CELF4: variants seen among roughly 807,000 people sequenced by gnomAD.
CELF4 encodes CUG-BP- and ETR-3-like factor 4.
A neutral mutation model predicts 59.9 loss-of-function variants in CELF4; 18 were observed. That is an observed-to-expected ratio of 0.30 (90% CI 0.21 to 0.45). CELF4 has a LOEUF of 0.45. CELF4 is among the 20% of genes least tolerant of loss of function. The pLI is 1.00. For synonymous variants in CELF4, 261 were observed against 267.1 expected (o/e 0.98, Z 0.22); for missense variants, 456 against 689.0 (o/e 0.66, Z 3.79).
chr18:37,321,693 A>C, intron 3 of CELF4, 110 bp downstream of exon 3: 1 of 753,422 alleles, frequency 1.3e-6, no homozygotes, highest in Non-Finnish European at 2.2e-6. Flanking sequence ...CGAGATCCCC[A>C]GAGGGGCAAG....
chr18:37,535,220 C>T (rs560831397), intron 1 of CELF4, among the ~76,000 whole-genome samples: 2 of 152,254 alleles, frequency 1.3e-5, no homozygotes, highest in East Asian at 1.9e-4. Flanking sequence ...AAAATAATGC[C>T]TCTGTATGAT....
chr18:37,317,109 G>A (rs2096892836), intron 3 of CELF4, among the ~76,000 whole-genome samples: 1 of 152,182 alleles, frequency 6.6e-6, no homozygotes. Flanking sequence ...ATTTCCGGCC[G>A]GGCGCGGTGG....
At chr18:37,441,032 C>T (rs1207262259) in intron 2 of CELF4, among the ~76,000 whole-genome samples, 1 of 152,216 alleles carries the variant, frequency 6.6e-6, no homozygotes, top group Admixed American at 6.5e-5. Flanking sequence ...CCACCACAAC[C>T]GTATCTGCCG....
intron 2 of CELF4, among the ~76,000 whole-genome samples, chr18:37,392,105 A>T (rs1357837702): frequency 6.6e-6 from 1 of 152,192 alleles, no homozygotes; most frequent in Non-Finnish European, 1.5e-5. Context: ...ACGATGACTC[A>T]GCTTCACACA....
At chr18:37,461,693 G>C (rs577189849) in intron 2 of CELF4, among the ~76,000 whole-genome samples, 1 of 152,352 alleles carries the variant, frequency 6.6e-6, no homozygotes, top group East Asian at 1.9e-4. Context: ...CAATGTGGCT[G>C]TACGCCAGAA....
chr18:37,277,067 A>G (rs2093415033), intron 3 of CELF4, among the ~76,000 whole-genome samples: 1 of 152,168 alleles, frequency 6.6e-6, no homozygotes, highest in African/African-American at 2.4e-5. Flanking sequence ...TCTGAAGCAA[A>G]GCAGAGGAGG....
intron 2 of CELF4, among the ~76,000 whole-genome samples, chr18:37,358,360 CGCCTTGCCT>C (rs1399487572): frequency 2.0e-5 from 3 of 152,216 alleles, no homozygotes; most frequent in Non-Finnish European, 4.4e-5. Flanking sequence ...TGACTTGCTT[CGCCTTGCCT>C]TCCGCCATGA....
intron 10 of CELF4, among the ~76,000 whole-genome samples, chr18:37,261,899 G>A (rs146087510): frequency 6.6e-6 from 1 of 152,324 alleles, no homozygotes; most frequent in East Asian, 1.9e-4. Flanking sequence ...ATTCCACATG[G>A]GGAGGGGACC....
At chr18:37,385,354 C>CAAAA (rs34504926) in intron 2 of CELF4, among the ~76,000 whole-genome samples, 9 of 100,392 alleles carry the variant, frequency 9.0e-5, no homozygotes, top group Admixed American at 2.3e-4. Flanking sequence ...GACTCCATCT[C>CAAAA]AAAAAAAAAA....
At chr18:37,390,804 G>GAGGC (rs759387784) in intron 2 of CELF4, among the ~76,000 whole-genome samples, 4,693 of 66,366 alleles carry the variant, frequency 0.071, 221 homozygotes, top group Non-Finnish European at 0.11. Flanking sequence ...TGATGGGGCG[G>GAGGC]GGAGGGGGGG....
intron 1 of CELF4, among the ~76,000 whole-genome samples, chr18:37,502,302 A>G (rs1008323366): frequency 3.9e-5 from 6 of 152,086 alleles, no homozygotes; most frequent in African/African-American, 1.4e-4. Context: ...CGGCTCTCCA[A>G]GACGAAATTT....
chr18:37,261,308 A>C lies in CELF4; in HGVS notation c.1250-2044T>G, dbSNP rs73948852. 6.0e-3 allele frequency among the ~76,000 whole-genome samples: 868 copies of C among 145,730 alleles called. 8 individuals carry two copies. The highest frequency in any genetic ancestry group is 0.02 in the African/African-American group (804 of 39,418). ...GCCCTGACTGCTCCAGCCCATGCTG[A>C]CACCTGCCTTGACTTGGGGCCCTGG... is the stretch of plus-strand genomic sequence containing the variant. On this transcript the variant is annotated intron_variant, in intron 10 of 12. Transcript: ENST00000420428.
chr18:37,364,840 T>G (rs965856386), intron 2 of CELF4, among the ~76,000 whole-genome samples: 1 of 152,180 alleles, frequency 6.6e-6, no homozygotes, highest in Non-Finnish European at 1.5e-5. Flanking sequence ...ACAGAACCTC[T>G]GCCCTCTGTA....
At chr18:37,504,195 A>G (rs2099934926) in intron 1 of CELF4, among the ~76,000 whole-genome samples, 1 of 152,190 alleles carries the variant, frequency 6.6e-6, no homozygotes, top group African/African-American at 2.4e-5. Flanking sequence ...GGTATGGTTA[A>G]GAATGGGGCT....
intron 9 of CELF4, 108 bp from the exon 10 acceptor site, chr18:37,264,865 C>T (rs969294182): frequency 4.6e-6 from 4 of 871,320 alleles, no homozygotes; most frequent in Middle Eastern, 2.4e-4. Context: ...AGCCAAAAAG[C>T]GCCCTGCCAC....
At chr18:37,375,468 G>T (rs1326501885) in intron 2 of CELF4, among the ~76,000 whole-genome samples, 1 of 152,146 alleles carries the variant, frequency 6.6e-6, no homozygotes, top group Non-Finnish European at 1.5e-5. Flanking sequence ...TGGGATAAAT[G>T]CCTGAACCAC....
intron 2 of CELF4, among the ~76,000 whole-genome samples, chr18:37,404,829 G>A (rs1324908743): frequency 6.6e-6 from 1 of 152,174 alleles, no homozygotes; most frequent in East Asian, 1.9e-4. Context: ...CTGCTCTGGA[G>A]GCTGGCATGC....
chr18:37,483,434 C>G (rs1020937259), intron 2 of CELF4, among the ~76,000 whole-genome samples: 2 of 152,070 alleles, frequency 1.3e-5, no homozygotes, highest in African/African-American at 4.8e-5. Flanking sequence ...CCCTGTGAAG[C>G]CTTTGAAGAA....
chr18:37,529,451 G>A (rs944878875), intron 1 of CELF4, among the ~76,000 whole-genome samples: 14 of 152,206 alleles, frequency 9.2e-5, no homozygotes, highest in Admixed American at 3.3e-4. Context: ...CCCACTGCAT[G>A]AGGGAGCTCA....
Sources: allele counts gnomAD v4.1 joint callset (sites outside exome capture counted in the v4.1 genomes callset), GRCh38; gene constraint gnomAD v4.1.1; transcripts MANE v1.5; gene names NCBI Gene and HGNC (gene_info 2026-07-23, HGNC 2026-07-21).